The following TMEM150C variants were observed in gnomAD, a reference collection of about 807,000 sequenced individuals.
TMEM150C encodes the protein transmembrane protein 150C, also known as tentonin 3.
Under a neutral mutation model 29.9 loss-of-function variants are expected in TMEM150C, and 10 were observed. The observed-to-expected ratio is 0.33, with a 90% CI of 0.21 to 0.57. TMEM150C has a LOEUF of 0.57. TMEM150C is among the 20% of genes least tolerant of loss of function. TMEM150C has a pLI of 0.88. For synonymous variants in TMEM150C, 101 were observed against 112.5 expected (o/e 0.90, Z 0.64); for missense variants, 251 against 303.6 (o/e 0.83, Z 1.29).
chr4:82,504,961 C>T lies in TMEM150C; in HGVS notation c.-10-294G>A, dbSNP rs183741670. Reference sequence around the variant, plus strand: ...AGGAGAATGGCGTGAACCTAGGAGGCGGAGCTTGCAGTGAGCCGAGATCGC... The same window carrying T: ...AGGAGAATGGCGTGAACCTAGGAGGTGGAGCTTGCAGTGAGCCGAGATCGC... On this transcript the variant is annotated intron_variant, in intron 1 of 7. Transcript: ENST00000449862. Among the ~76,000 whole-genome samples the T allele has an allele frequency of 4.7e-4, 71 of 152,148 alleles. 2 individuals are homozygous for T. In the Middle Eastern group the frequency reaches 0.031, roughly 66 times the overall value.
At chr4:82,554,823 T>C (rs979599111) in intron 1 of TMEM150C, among the ~76,000 whole-genome samples, 2 of 152,210 alleles carry the variant, frequency 1.3e-5, no homozygotes, top group Admixed American at 1.3e-4. Context: ...TTACCCCACT[T>C]TCAATGTTTT....
At chr4:82,562,196 G>T (rs897379781), upstream of TMEM150C, 25 of 1,284,214 alleles carry the variant, frequency 1.9e-5, no homozygotes, top group Admixed American at 4.6e-5. Flanking sequence ...CGGGCGAGCC[G>T]CTTCCTTCCG....
At chr4:82,507,417 A>G (rs556887413) in intron 1 of TMEM150C, among the ~76,000 whole-genome samples, 1 of 152,314 alleles carries the variant, frequency 6.6e-6, no homozygotes, top group South Asian at 2.1e-4. Context: ...ATCAAGCTAC[A>G]ATAGCTTTAT....
intron 3 of TMEM150C, 58 bp from the exon 4 acceptor site, chr4:82,502,985 G>C: frequency 6.3e-7 from 1 of 1,599,156 alleles, no homozygotes; most frequent in Non-Finnish European, 8.5e-7. Flanking sequence ...CATTTGTGCA[G>C]TTTAACCTTC....
intron 1 of TMEM150C, among the ~76,000 whole-genome samples, chr4:82,529,682 G>A (rs1173016388): frequency 1.3e-5 from 2 of 152,146 alleles, no homozygotes; most frequent in Admixed American, 6.6e-5. Flanking sequence ...CTAGTGAGTC[G>A]ATCAGTGATG....
intron 1 of TMEM150C, among the ~76,000 whole-genome samples, chr4:82,544,527 C>A (rs887628711): frequency 2.0e-5 from 3 of 152,150 alleles, no homozygotes; most frequent in Non-Finnish European, 4.4e-5. Context: ...GCCTGTAATC[C>A]CAGCACTTTG....
At chr4:82,542,351 A>G (rs1042057462) in intron 1 of TMEM150C, among the ~76,000 whole-genome samples, 9 of 152,256 alleles carry the variant, frequency 5.9e-5, no homozygotes, top group African/African-American at 2.2e-4. Context: ...AAAAGTCTAC[A>G]TAAGCGAGGA....
intron 1 of TMEM150C, among the ~76,000 whole-genome samples, chr4:82,541,898 T>C (rs1191180855): frequency 2.0e-5 from 3 of 152,220 alleles, no homozygotes; most frequent in African/African-American, 7.2e-5. Flanking sequence ...CAGCCCTGCC[T>C]TGCTCTATAA....
intron 1 of TMEM150C, among the ~76,000 whole-genome samples, chr4:82,524,233 CA>C (rs1192022461): frequency 2.0e-5 from 3 of 151,692 alleles, no homozygotes; most frequent in African/African-American, 7.3e-5. Context: ...ACGCGAAAAA[CA>C]AAACAAAAAC....
intron 1 of TMEM150C, among the ~76,000 whole-genome samples, chr4:82,547,763 A>C (rs1397464111): frequency 6.6e-6 from 1 of 152,216 alleles, no homozygotes; most frequent in Non-Finnish European, 1.5e-5. Flanking sequence ...TGGGAATATA[A>C]ATTAGTCCAG....
intron 1 of TMEM150C, among the ~76,000 whole-genome samples, chr4:82,561,547 C>T (rs1725927610): frequency 7.3e-6 from 1 of 136,952 alleles, no homozygotes; most frequent in Admixed American, 7.0e-5. Flanking sequence ...TGTCAAAGGA[C>T]GGGGCCGGGG....
intron 1 of TMEM150C, among the ~76,000 whole-genome samples, chr4:82,551,770 C>T (rs1035432977): frequency 1.3e-5 from 2 of 152,156 alleles, no homozygotes; most frequent in Non-Finnish European, 2.9e-5. Flanking sequence ...ATGCTTACCC[C>T]ACTGTATGGT....
At chr4:82,561,338 G>A (rs577109764) in intron 1 of TMEM150C, among the ~76,000 whole-genome samples, 1 of 152,334 alleles carries the variant, frequency 6.6e-6, no homozygotes, top group South Asian at 2.1e-4. Context: ...GGAAGACTGT[G>A]CATTTAGAGT....
intron 6 of TMEM150C, chr4:82,495,065 G>C (rs987569004): frequency 8.3e-7 from 1 of 1,202,962 alleles, no homozygotes; most frequent in Non-Finnish European, 1.1e-6. Context: ...GCTGAATCTT[G>C]GGTGCTTTGG....
At chr4:82,531,220 G>A (rs943597295) in intron 1 of TMEM150C, among the ~76,000 whole-genome samples, 3 of 152,196 alleles carry the variant, frequency 2.0e-5, no homozygotes, top group South Asian at 2.1e-4. Context: ...GAAGAAACCC[G>A]TCTGGATGAG....
At chr4:82,495,531 T>A in intron 6 of TMEM150C, 1 of 356,494 alleles carries the variant, frequency 2.8e-6, no homozygotes. Flanking sequence ...TAGCCTTCTC[T>A]CTTTTTTTTC....
intron 1 of TMEM150C, among the ~76,000 whole-genome samples, chr4:82,539,517 A>G (rs1725129213): frequency 6.6e-6 from 1 of 151,246 alleles, no homozygotes; most frequent in African/African-American, 2.4e-5. Flanking sequence ...CAGTGGCACG[A>G]TCTCGGCTCA....
intron 1 of TMEM150C, among the ~76,000 whole-genome samples, chr4:82,526,735 C>T (rs1724663623): frequency 6.6e-6 from 1 of 152,164 alleles, no homozygotes; most frequent in Admixed American, 6.5e-5. Context: ...AAAAACCTCT[C>T]AATTAATTAT....
At chr4:82,495,173 T>G (rs948308923) in intron 6 of TMEM150C, 2 of 384,088 alleles carry the variant, frequency 5.2e-6, no homozygotes, top group Non-Finnish European at 9.5e-6. Context: ...CCAGGCGCGG[T>G]GGCTCAGGCC....
Sources: gnomAD v4.1 joint callset for allele counts (sites outside exome capture counted in the v4.1 genomes callset) on GRCh38, gnomAD v4.1.1 for gene constraint, MANE v1.5 for transcripts, NCBI Gene and HGNC (gene_info 2026-07-23, HGNC 2026-07-21) for gene names.